Variants in SPOCK1 observed in about 807,000 individuals in gnomAD.
SPOCK1 encodes SPARC (osteonectin), cwcv and kazal like domains proteoglycan 1.
A neutral mutation model predicts 55.3 loss-of-function variants in SPOCK1; 23 were observed. The observed-to-expected ratio is 0.42, with a 90% CI of 0.30 to 0.59. The LOEUF is 0.59. Ranked by LOEUF, SPOCK1 falls within the 20% of genes least tolerant of loss-of-function variation. The probability of loss-of-function intolerance (pLI) is 0.22; values close to 1 mark genes in which losing one functional copy is unlikely to be tolerated. For missense variants in SPOCK1, 499 were observed against 552.5 expected (o/e 0.90, Z 0.97); for synonymous variants, 226 against 221.0 (o/e 1.02, Z -0.20).
chr5:137,263,778 G>A (rs960045392), intron 3 of SPOCK1, among the ~76,000 whole-genome samples: 1 of 152,134 alleles, frequency 6.6e-6, no homozygotes, highest in African/African-American at 2.4e-5. Flanking sequence ...ATCTCAGGAA[G>A]AATTCTTAGA....
intron 3 of SPOCK1, among the ~76,000 whole-genome samples, chr5:137,243,459 GGTGA>G (rs1756329950): frequency 6.6e-6 from 1 of 152,104 alleles, no homozygotes. Context: ...TAGAAAAAAA[GGTGA>G]GTATTTAAAT....
At chr5:137,059,834 C>A (rs561997226) in intron 6 of SPOCK1, among the ~76,000 whole-genome samples, 4 of 152,112 alleles carry the variant, frequency 2.6e-5, no homozygotes, top group Non-Finnish European at 4.4e-5. Flanking sequence ...ACATGGCCAA[C>A]AAGCATATGA....
chr5:137,146,397 C>T (rs143384499), intron 3 of SPOCK1, among the ~76,000 whole-genome samples: 37 of 152,308 alleles, frequency 2.4e-4, no homozygotes, highest in Non-Finnish European at 4.7e-4. Flanking sequence ...CCAGAGGCCA[C>T]TCGATTTGCA....
intron 2 of SPOCK1, among the ~76,000 whole-genome samples, chr5:137,429,668 G>C (rs1248872438): frequency 6.6e-6 from 1 of 152,200 alleles, no homozygotes; most frequent in Non-Finnish European, 1.5e-5. Flanking sequence ...CCAAAGCCTT[G>C]TCTTCTTTGG....
At chr5:137,253,132 A>G (rs1756569129) in intron 3 of SPOCK1, among the ~76,000 whole-genome samples, 1 of 152,226 alleles carries the variant, frequency 6.6e-6, no homozygotes, top group Non-Finnish European at 1.5e-5. Flanking sequence ...GTCCGCATCT[A>G]CAGCTCTGGA....
intron 2 of SPOCK1, among the ~76,000 whole-genome samples, chr5:137,383,522 A>G (rs1388531459): frequency 1.3e-5 from 2 of 152,216 alleles, no homozygotes; most frequent in Non-Finnish European, 2.9e-5. Context: ...AGCCTGTGTG[A>G]AAGGCTGACC....
chr5:137,269,794 A>C (rs2060427), intron 2 of SPOCK1, among the ~76,000 whole-genome samples: 77,661 of 151,872 alleles, frequency 0.51, 20,339 homozygotes, highest in African/African-American at 0.61. Context: ...AGACCCACTT[A>C]ACGATTGGGG....
chr5:137,373,743 A>G (rs1751251730), intron 2 of SPOCK1, among the ~76,000 whole-genome samples: 1 of 152,210 alleles, frequency 6.6e-6, no homozygotes, highest in East Asian at 1.9e-4. Flanking sequence ...CCTTTCAGGA[A>G]GGGTCTCCCC....
intron 2 of SPOCK1, among the ~76,000 whole-genome samples, chr5:137,326,660 T>C (rs1388562501): frequency 6.6e-6 from 1 of 152,234 alleles, no homozygotes; most frequent in East Asian, 1.9e-4. Flanking sequence ...CATGCACACA[T>C]CTTGTAATAA....
chr5:137,066,987 C>CACACACACACACAGAGAGAGAG (rs1343691789), intron 6 of SPOCK1, among the ~76,000 whole-genome samples: 91 of 139,652 alleles, frequency 6.5e-4, no homozygotes, highest in Admixed American at 1.1e-3. Context: ...CACACACACA[C>CACACACACACACAGAGAGAGAG]AGAGAGAGAG....
intron 6 of SPOCK1, among the ~76,000 whole-genome samples, chr5:137,046,330 G>T (rs1752105428): frequency 1.4e-5 from 2 of 141,136 alleles, no homozygotes; most frequent in Non-Finnish European, 3.1e-5. Context: ...TTGAGCAGTG[G>T]TTTGTAGTTC....
At chr5:137,264,402 C>G (rs938017696) in intron 3 of SPOCK1, among the ~76,000 whole-genome samples, 3 of 152,148 alleles carry the variant, frequency 2.0e-5, no homozygotes, top group African/African-American at 2.4e-5. Flanking sequence ...TTCAAATCCA[C>G]CTTTCTGACT....
At chr5:137,462,031 C>T (rs1753499300) in intron 2 of SPOCK1, among the ~76,000 whole-genome samples, 1 of 152,072 alleles carries the variant, frequency 6.6e-6, no homozygotes, top group Admixed American at 6.5e-5. Context: ...AAGCCATGAC[C>T]CTCTGACTAT....
chr5:137,219,259 G>A (rs73304888), intron 3 of SPOCK1, among the ~76,000 whole-genome samples: 7,774 of 152,250 alleles, frequency 0.051, 362 homozygotes, highest in East Asian at 0.13. Flanking sequence ...TGGTAAGTAA[G>A]CAGGATTCTG....
At chr5:137,384,828 TC>T (rs1751565535) in intron 2 of SPOCK1, among the ~76,000 whole-genome samples, 1 of 152,118 alleles carries the variant, frequency 6.6e-6, no homozygotes, top group Non-Finnish European at 1.5e-5. Flanking sequence ...GGATTTAGTG[TC>T]CACCCTAAAC....
intron 6 of SPOCK1, among the ~76,000 whole-genome samples, chr5:137,044,539 G>T (rs1364454472): frequency 6.6e-6 from 1 of 152,164 alleles, no homozygotes; most frequent in Non-Finnish European, 1.5e-5. Context: ...TTAAGATGGA[G>T]ATCATAGTCC....
At chr5:137,045,326 G>C (rs1752089335) in intron 6 of SPOCK1, among the ~76,000 whole-genome samples, 1 of 53,342 alleles carries the variant, frequency 1.9e-5, no homozygotes, top group Non-Finnish European at 3.6e-5. Context: ...ACTTTTTAAT[G>C]ATTGCCATTC....
intron 2 of SPOCK1, among the ~76,000 whole-genome samples, chr5:137,359,532 C>T (rs1433619705): frequency 6.6e-6 from 1 of 152,200 alleles, no homozygotes; most frequent in Non-Finnish European, 1.5e-5. Flanking sequence ...AGCACATGTG[C>T]TCTCTAATTT....
rs549888410 is a variant in SPOCK1 at position 136,976,132 on chromosome 5, C to T, written c.*2522G>A. On this transcript the variant is annotated 3_prime_UTR_variant, in exon 11 of 11. Coordinates refer to ENST00000394945, the MANE Select transcript of SPOCK1 (RefSeq NM_004598.4). ...TTCTACTTCTAAGGATAAGGTAACT[C>T]ATTACAATCTTTAGTACTCATGGAA... 1 of 152,242 alleles carries T rather than the reference C, an allele frequency of 6.6e-6. No homozygotes were observed. The highest frequency in any genetic ancestry group is 2.1e-4 in the South Asian group (1 of 4,822). The allele number at this position is 152,242 out of a possible 1,614,324, so 9.4% of individuals were successfully genotyped here.
Sources: allele counts gnomAD v4.1 joint callset (sites outside exome capture counted in the v4.1 genomes callset), GRCh38; gene constraint gnomAD v4.1.1; transcripts MANE v1.5; gene names NCBI Gene and HGNC (gene_info 2026-07-23, HGNC 2026-07-21).